RYK: variants seen among roughly 807,000 people sequenced by gnomAD.
RYK encodes the protein inactive tyrosine-protein kinase RYK.
In RYK, 21 loss-of-function variants were observed where a neutral mutation model predicts 70.2. The ratio of observed to expected loss-of-function variants is 0.30; its 90% confidence interval spans 0.21 to 0.43. The LOEUF (loss-of-function observed/expected upper bound fraction) is 0.43. RYK is among the 20% of genes least tolerant of loss of function. The pLI, the probability that RYK is intolerant of heterozygous loss-of-function variation, is 1.00. For synonymous variants in RYK, 267 were observed against 278.0 expected, an observed-to-expected ratio of 0.96 and a Z score of 0.39; for missense variants, 604 against 753.3, an observed-to-expected ratio of 0.80 and a Z score of 2.32.
intron 9 of RYK, among the ~76,000 whole-genome samples, chr3:134,186,063 C>A (rs920842071): frequency 6.6e-6 from 1 of 152,060 alleles, no homozygotes; most frequent in Non-Finnish European, 1.5e-5. Context: ...CTAAAAGTTA[C>A]AAGGATGCAC....
At chr3:134,242,172 G>C (rs1202878778) in intron 1 of RYK, among the ~76,000 whole-genome samples, 1 of 152,084 alleles carries the variant, frequency 6.6e-6, no homozygotes, top group Non-Finnish European at 1.5e-5. Flanking sequence ...GGGAATGGTG[G>C]TGGACGCCTG....
chr3:134,161,801 G>A (rs531333829), intron 13 of RYK, among the ~76,000 whole-genome samples: 2 of 151,214 alleles, frequency 1.3e-5, no homozygotes, highest in South Asian at 4.2e-4. Context: ...AACACTGTTT[G>A]GTGAATTCTA....
intron 1 of RYK, among the ~76,000 whole-genome samples, chr3:134,243,641 A>AC (rs1257673184): frequency 6.6e-6 from 1 of 151,920 alleles, no homozygotes; most frequent in Non-Finnish European, 1.5e-5. Flanking sequence ...AGCTGCTTCC[A>AC]CCCTCTATGT....
At chr3:134,171,376 G>A (rs1447945023) in intron 13 of RYK, among the ~76,000 whole-genome samples, 2 of 152,204 alleles carry the variant, frequency 1.3e-5, no homozygotes, top group African/African-American at 4.8e-5. Context: ...CCCAGCTGAA[G>A]AGACTCAACG....
At chr3:134,242,722 C>G (rs1436959800) in intron 1 of RYK, among the ~76,000 whole-genome samples, 1 of 152,116 alleles carries the variant, frequency 6.6e-6, no homozygotes, top group Non-Finnish European at 1.5e-5. Context: ...TTTGATTTGT[C>G]CCAAAAGTGA....
intron 6 of RYK, among the ~76,000 whole-genome samples, chr3:134,197,652 C>T (rs968970399): frequency 3.3e-5 from 5 of 152,098 alleles, no homozygotes; most frequent in African/African-American, 1.2e-4. Context: ...GTTAGAAGTC[C>T]AGACTTCAAT....
intron 8 of RYK, among the ~76,000 whole-genome samples, chr3:134,189,751 A>C (rs951546040): frequency 5.3e-5 from 8 of 151,660 alleles, no homozygotes; most frequent in African/African-American, 1.7e-4. Flanking sequence ...AAAAAAAAAA[A>C]AAAAAAAAAC....
At chr3:134,175,253 G>A (rs1474442158) in intron 13 of RYK, among the ~76,000 whole-genome samples, 1 of 151,802 alleles carries the variant, frequency 6.6e-6, no homozygotes, top group East Asian at 1.9e-4. Context: ...TGAGGCCTGA[G>A]AATCGCTTGA....
At chr3:134,234,291 G>A (rs952244989) in intron 1 of RYK, among the ~76,000 whole-genome samples, 7 of 152,042 alleles carry the variant, frequency 4.6e-5, no homozygotes, top group Admixed American at 1.3e-4. Context: ...CATTTGTAAC[G>A]ACATTATCTT....
Position 134,213,604 on chromosome 3 carries a change from T to C in RYK, c.355-1997A>G, listed in dbSNP as rs577613740. Reference sequence around the variant, plus strand: ...ATTCAGAACAGCCTCCTACACTCTCTGCCTCTTCACAAATGTCTTCCCACC... The same window carrying C: ...ATTCAGAACAGCCTCCTACACTCTCCGCCTCTTCACAAATGTCTTCCCACC... On this transcript the variant is annotated intron_variant, in intron 2 of 14. Transcript: ENST00000623711. Among the ~76,000 whole-genome samples, 6 of 152,272 alleles carry C rather than the reference T, an allele frequency of 3.9e-5. 1 individual carries two copies. The highest frequency in any genetic ancestry group is 2.0e-4 in the Admixed American group (3 of 15,292).
chr3:134,219,797 C>T (rs2014682406), intron 2 of RYK, among the ~76,000 whole-genome samples: 1 of 151,132 alleles, frequency 6.6e-6, no homozygotes, highest in Non-Finnish European at 1.5e-5. Flanking sequence ...TAGGTCTGAC[C>T]TCTTCCAGTG....
chr3:134,184,221 G>C (rs1380787528), intron 9 of RYK, among the ~76,000 whole-genome samples: 3 of 152,064 alleles, frequency 2.0e-5, no homozygotes, highest in South Asian at 4.1e-4. Flanking sequence ...TTTAGTTTTA[G>C]TTTCTAAACT....
intron 2 of RYK, among the ~76,000 whole-genome samples, chr3:134,220,256 T>C (rs1375384144): frequency 6.6e-6 from 1 of 152,224 alleles, no homozygotes; most frequent in African/African-American, 2.4e-5. Flanking sequence ...AGACATCAAC[T>C]AGTAAAAAAT....
chr3:134,212,791 A>T (rs1257060756), intron 2 of RYK, among the ~76,000 whole-genome samples: 6 of 152,330 alleles, frequency 3.9e-5, no homozygotes, highest in Non-Finnish European at 1.5e-5. Flanking sequence ...CTAAGGTGGA[A>T]GGCGTTGTTA....
intron 6 of RYK, among the ~76,000 whole-genome samples, chr3:134,195,757 G>C (rs576174552): frequency 6.6e-6 from 1 of 152,172 alleles, no homozygotes; most frequent in Admixed American, 6.5e-5. Context: ...CACCAGTATG[G>C]CCTACATGGT....
At chr3:134,212,657 G>T (rs1037910042) in intron 2 of RYK, among the ~76,000 whole-genome samples, 1 of 152,132 alleles carries the variant, frequency 6.6e-6, no homozygotes, top group African/African-American at 2.4e-5. Flanking sequence ...TTTTAGATGA[G>T]ATATTCAAAT....
chr3:134,248,606 C>CAG (rs2015531207), intron 1 of RYK, among the ~76,000 whole-genome samples: 1 of 152,064 alleles, frequency 6.6e-6, no homozygotes, highest in African/African-American at 2.4e-5. Flanking sequence ...ATCACGAGCT[C>CAG]AGGAGTTCAA....
chr3:134,245,935 T>A (rs909352506), intron 1 of RYK, among the ~76,000 whole-genome samples: 2 of 152,146 alleles, frequency 1.3e-5, no homozygotes, highest in Non-Finnish European at 2.9e-5. Flanking sequence ...ATCTTTTTCT[T>A]CATTATAGAC....
At chr3:134,192,957 T>A (rs1183306178) in intron 7 of RYK, among the ~76,000 whole-genome samples, 1 of 152,218 alleles carries the variant, frequency 6.6e-6, no homozygotes, top group Non-Finnish European at 1.5e-5. Flanking sequence ...TGCGTTGTTA[T>A]CTTAGAAAAT....
Sources: allele counts gnomAD v4.1 joint callset (sites outside exome capture counted in the v4.1 genomes callset), GRCh38; gene constraint gnomAD v4.1.1; transcripts MANE v1.5; gene names NCBI Gene and HGNC (gene_info 2026-07-23, HGNC 2026-07-21).